The following PABPC1L variants were observed in gnomAD, a reference collection of about 807,000 sequenced individuals.
The protein encoded by PABPC1L is polyadenylate-binding protein 1-like.
Under a neutral mutation model 66.6 loss-of-function variants are expected in PABPC1L, and 31 were observed. The observed-to-expected ratio is 0.47, with a 90% CI of 0.35 to 0.63. PABPC1L has a LOEUF of 0.63. Among genes scored for constraint, PABPC1L ranks in the 20% least tolerant of loss-of-function variants. The pLI is 0.00. For missense variants in PABPC1L, 722 were observed against 848.8 expected, an observed-to-expected ratio of 0.85 and a Z score of 1.86; for synonymous variants, 348 against 335.1, an observed-to-expected ratio of 1.04 and a Z score of -0.42.
chr20:44,931,913 G>A (rs191888359), intron 8 of PABPC1L: 1 of 153,690 alleles, frequency 6.5e-6, no homozygotes, highest in Admixed American at 6.5e-5. Context: ...TTTTTTTGTG[G>A]GATGCCTGTT....
At chr20:44,928,864 CAAAAAAAAAAAA>C (rs10597679) in intron 7 of PABPC1L, among the ~76,000 whole-genome samples, 7 of 54,358 alleles carry the variant, frequency 1.3e-4, no homozygotes, top group East Asian at 1.2e-3. Flanking sequence ...GATCCTGACT[CAAAAAAAAAAAA>C]AAAAAAAAAG....
chr20:44,924,762 A>T, intron 7 of PABPC1L, among the ~76,000 whole-genome samples: 1 of 152,200 alleles, frequency 6.6e-6, no homozygotes, highest in East Asian at 1.9e-4. Flanking sequence ...GCTTTAGCAG[A>T]TGTTGTCTTA....
chr20:44,933,286 AG>A, intron 10 of PABPC1L, 101 bp downstream of exon 10: 1 of 982,672 alleles, frequency 1.0e-6, no homozygotes, highest in Non-Finnish European at 1.5e-6. Context: ...CCTCTCGGTG[AG>A]CAAAGCTGAC....
intron 5 of PABPC1L, among the ~76,000 whole-genome samples, chr20:44,921,307 C>A (rs2066771466): frequency 6.6e-6 from 1 of 152,040 alleles, no homozygotes; most frequent in African/African-American, 2.4e-5. Flanking sequence ...TGCTTCCATG[C>A]CTGGCTAATT....
chr20:44,922,576 G>A (rs1355454249), intron 6 of PABPC1L, among the ~76,000 whole-genome samples: 1 of 151,974 alleles, frequency 6.6e-6, no homozygotes, highest in Non-Finnish European at 1.5e-5. Context: ...TCATCATATT[G>A]GTCAGGCTGG....
chr20:44,924,083 C>A, intron 6 of PABPC1L, 78 bp from the exon 7 acceptor site: 1 of 1,187,710 alleles, frequency 8.4e-7, no homozygotes. Context: ...CTTGTACCTG[C>A]GTCAGTTCCC....
intron 2 of PABPC1L, among the ~76,000 whole-genome samples, chr20:44,914,710 A>AG (rs535608775): frequency 1.1e-3 from 171 of 152,302 alleles, no homozygotes; most frequent in African/African-American, 3.9e-3. Flanking sequence ...AAAGGAAGAA[A>AG]GACTCTTAAC....
intron 12 of PABPC1L, chr20:44,937,106 G>A (rs908262640): frequency 9.7e-6 from 4 of 412,266 alleles, no homozygotes; most frequent in African/African-American, 6.2e-5. Context: ...CTGAACGGGA[G>A]GAAGCTGCTG....
chr20:44,926,884 T>C (rs192230817), intron 7 of PABPC1L, among the ~76,000 whole-genome samples: 12 of 151,598 alleles, frequency 7.9e-5, no homozygotes, highest in South Asian at 2.1e-4. Context: ...TTTATTATTA[T>C]TTTTTATTAG....
intron 1 of PABPC1L, 55 bp from the exon 2 acceptor site, chr20:44,912,605 C>G: frequency 6.7e-7 from 1 of 1,481,834 alleles, no homozygotes; most frequent in Non-Finnish European, 9.2e-7. Context: ...GGTGGGTGAT[C>G]AAGGTAAGAA....
chr20:44,922,003 C>T (rs1460005579), intron 6 of PABPC1L, among the ~76,000 whole-genome samples: 1 of 152,122 alleles, frequency 6.6e-6, no homozygotes, highest in African/African-American at 2.4e-5. Flanking sequence ...TAGCATCCCA[C>T]CCAGCCCACT....
At chr20:44,919,468 C>T (rs1601110752) in intron 5 of PABPC1L, among the ~76,000 whole-genome samples, 191 bp downstream of exon 5, 1 of 152,236 alleles carries the variant, frequency 6.6e-6, no homozygotes, top group Non-Finnish European at 1.5e-5. Flanking sequence ...TTGGTCACTT[C>T]TAAGCCCTGA....
At chr20:44,918,857 G>C (rs1404255579) in intron 3 of PABPC1L, 49 bp from the exon 4 acceptor site, 1 of 1,526,802 alleles carries the variant, frequency 6.5e-7, no homozygotes, top group Non-Finnish European at 8.8e-7. Flanking sequence ...GGGGGTGGCT[G>C]ATGGCTGGTA....
chr20:44,911,529 G>A (rs1308831155), intron 1 of PABPC1L, among the ~76,000 whole-genome samples: 7 of 152,176 alleles, frequency 4.6e-5, no homozygotes, highest in Non-Finnish European at 8.8e-5. Context: ...ACATTCTGAT[G>A]TAAGACTCCA....
chr20:44,923,577 C>T (rs1056107798), intron 6 of PABPC1L, among the ~76,000 whole-genome samples: 2 of 151,354 alleles, frequency 1.3e-5, no homozygotes, highest in Admixed American at 6.6e-5. Flanking sequence ...TGCACTGAGC[C>T]GAGATTGCAC....
At chr20:44,928,091 C>T (rs180837935) in intron 7 of PABPC1L, among the ~76,000 whole-genome samples, 23 of 152,012 alleles carry the variant, frequency 1.5e-4, no homozygotes, top group African/African-American at 4.6e-4. Context: ...TTTTTTGAGA[C>T]GAAGTCCCAC....
chr20:44,924,170 T>C lies in PABPC1L; in HGVS notation c.886T>C (p.Leu296=). ...DRLRRYQGVN[L]YVKNLDDSID... ...TTCCCTTCCATCCCAGGGTGTGAACTTGTATGTGAAGAATCTGGACGACTC... is the reference window on the plus strand; with the variant it reads ...TTCCCTTCCATCCCAGGGTGTGAACCTGTATGTGAAGAATCTGGACGACTC... Residue 296 remains leucine, a synonymous_variant, in exon 7 of 15, where the codon TTG becomes CTG. Coordinates refer to ENST00000217073, the MANE Select transcript of PABPC1L (RefSeq NM_001372179.1). 1 of 1,613,490 alleles carries C rather than the reference T, an allele frequency of 6.2e-7. No homozygotes were observed. Among genetic ancestry groups the C allele is most frequent in the South Asian group, 1.1e-5 (1 of 91,076 alleles).
rs569467865 is a variant in PABPC1L, at chr20:44,938,691, C to G, written c.1809C>G (p.Ala603=). The G allele has an allele frequency of 6.2e-7, 1 of 1,610,566 alleles. No individual in the cohort carries two copies. Among genetic ancestry groups the G allele is most frequent in the Non-Finnish European group, 8.5e-7 (1 of 1,178,642 alleles). Residue 603 remains alanine, a synonymous_variant, in exon 14 of 15, where the codon GCC becomes GCG. Coordinates refer to ENST00000217073, the MANE Select transcript of PABPC1L (RefSeq NM_001372179.1). ...SLHAKIDEAV[A]VLQAHQAMEQ... is the part of the protein sequence containing the mutation. ...TCTCACAGATAGACGAGGCAGTGGC[C>G]GTGCTGCAGGCACACCAGGCTATGG...
chr20:44,933,996 C>T (rs1024526807), intron 10 of PABPC1L, among the ~76,000 whole-genome samples: 2 of 152,128 alleles, frequency 1.3e-5, no homozygotes, highest in Non-Finnish European at 2.9e-5. Context: ...AGGTGATCCA[C>T]CAGCCTCGGC....
Sources: gnomAD v4.1 joint callset for allele counts (sites outside exome capture counted in the v4.1 genomes callset) on GRCh38, gnomAD v4.1.1 for gene constraint, MANE v1.5 for transcripts, NCBI Gene and HGNC (gene_info 2026-07-23, HGNC 2026-07-21) for gene names.